Variants in THRB observed in about 807,000 individuals in gnomAD.
The protein encoded by THRB is thyroid hormone receptor beta.
Under a neutral mutation model 47.8 loss-of-function variants are expected in THRB, and 12 were observed. That is an observed-to-expected ratio of 0.25 (90% CI 0.16 to 0.41). The LOEUF is 0.41. Among genes scored for constraint, THRB ranks in the 10% least tolerant of loss-of-function variants. THRB has a pLI of 1.00. For synonymous variants in THRB, 218 were observed against 212.2 expected (o/e 1.03, Z -0.24); for missense variants, 348 against 589.2 (o/e 0.59, Z 4.24).
At position 24,300,379 on chromosome 3, in the gene THRB, T is replaced by C. The variant is rs376102116; in HGVS notation, c.-188-3008A>G. On this transcript the variant is annotated intron_variant, in intron 2 of 10. Coordinates refer to ENST00000646209, the MANE Select transcript of THRB (RefSeq NM_001354712.2). ...CATCCATGTAGTTCTCGAATCTCTA[T>C]GCATACAGTATATAATATCCATGAT... 1.5e-4 allele frequency among the ~76,000 whole-genome samples: 23 copies of C among 152,324 alleles called. 1 individual carries two copies. In the East Asian group the frequency reaches 3.7e-3, roughly 24 times the overall value.
chr3:24,395,033 G>A (rs1292641308), intron 1 of THRB, among the ~76,000 whole-genome samples: 1 of 152,026 alleles, frequency 6.6e-6, no homozygotes, highest in Non-Finnish European at 1.5e-5. Context: ...CATTGATGAG[G>A]AGGCTATTTT....
At chr3:24,470,094 A>G (rs1235813019) in intron 1 of THRB, among the ~76,000 whole-genome samples, 1 of 152,156 alleles carries the variant, frequency 6.6e-6, no homozygotes, top group African/African-American at 2.4e-5. Context: ...CCCATCACTG[A>G]TAGGTTTTGT....
chr3:24,409,953 G>C lies in THRB; in HGVS notation c.-260-72582C>G, dbSNP rs190724523. ...TCAGATTATTTCAATGTGTTAAGCA[G>C]ACCTTTGATGAGGTGAGGTAAATGC... is the stretch of plus-strand genomic sequence containing the variant. On this transcript the variant is annotated intron_variant, in intron 1 of 10. Transcript: ENST00000646209. 1.8e-4 allele frequency among the ~76,000 whole-genome samples: 28 copies of C among 151,980 alleles called. 1 individual carries two copies. In the Middle Eastern group the frequency reaches 0.017, roughly 92 times the overall value.
At chr3:24,336,767 G>A (rs1424071671) in intron 2 of THRB, among the ~76,000 whole-genome samples, 1 of 149,736 alleles carries the variant, frequency 6.7e-6, no homozygotes, top group Non-Finnish European at 1.5e-5. Flanking sequence ...TGTCGCCCAG[G>A]CTGGAGTGCA....
chr3:24,433,713 T>A (rs1258688564), intron 1 of THRB, among the ~76,000 whole-genome samples: 3 of 152,116 alleles, frequency 2.0e-5, no homozygotes, highest in Non-Finnish European at 2.9e-5. Flanking sequence ...CAGTAAAAAG[T>A]TCTTGGCTTC....
intron 1 of THRB, among the ~76,000 whole-genome samples, chr3:24,381,941 A>G (rs2065745020): frequency 6.6e-6 from 1 of 152,146 alleles, no homozygotes; most frequent in African/African-American, 2.4e-5. Flanking sequence ...AAAATAAATG[A>G]CATAGCAACT....
At chr3:24,263,728 A>G (rs1045174022) in intron 3 of THRB, among the ~76,000 whole-genome samples, 4 of 152,044 alleles carry the variant, frequency 2.6e-5, no homozygotes, top group Non-Finnish European at 5.9e-5. Context: ...ATATAGACAT[A>G]GATAATTATA....
At chr3:24,133,520 CAT>C in intron 8 of THRB, 58 bp from the exon 9 acceptor site, 1 of 1,516,246 alleles carries the variant, frequency 6.6e-7, no homozygotes, top group Non-Finnish European at 9.2e-7. Context: ...CTTTATTTAT[CAT>C]AGTTCTTATG....
chr3:24,283,977 A>C (rs1034548246), intron 3 of THRB, among the ~76,000 whole-genome samples: 26 of 131,530 alleles, frequency 2.0e-4, no homozygotes, highest in African/African-American at 7.1e-4. Context: ...GGTAGGAAGA[A>C]TCAATATCAT....
chr3:24,455,020 G>C (rs140619061), intron 1 of THRB: 1 of 150,890 alleles, frequency 6.6e-6, no homozygotes, highest in African/African-American at 2.4e-5. Context: ...AGTCTACACA[G>C]AGATTGCTTT....
chr3:24,206,242 T>C (rs1000303378), intron 4 of THRB, among the ~76,000 whole-genome samples: 1 of 152,276 alleles, frequency 6.6e-6, no homozygotes, highest in African/African-American at 2.4e-5. Context: ...ATTGACCACA[T>C]AGTTGGAAGT....
chr3:24,401,816 T>G (rs1296223963), intron 1 of THRB, among the ~76,000 whole-genome samples: 2 of 151,938 alleles, frequency 1.3e-5, no homozygotes, highest in African/African-American at 2.4e-5. Flanking sequence ...ACCTACAGAA[T>G]AAGACGCTCT....
intron 1 of THRB, among the ~76,000 whole-genome samples, chr3:24,408,096 A>C (rs2067979080): frequency 6.6e-6 from 1 of 151,852 alleles, no homozygotes. Context: ...TGAACAACTG[A>C]ATTTGCTAAT....
chr3:24,362,294 C>T (rs2149660694), intron 1 of THRB, among the ~76,000 whole-genome samples: 1 of 152,244 alleles, frequency 6.6e-6, no homozygotes, highest in South Asian at 2.1e-4. Flanking sequence ...CCACCTCCTA[C>T]TCCTCTTCCC....
chr3:24,260,970 G>T (rs2051902635), intron 3 of THRB, among the ~76,000 whole-genome samples: 1 of 152,172 alleles, frequency 6.6e-6, no homozygotes, highest in African/African-American at 2.4e-5. Flanking sequence ...CAGTAGGCCT[G>T]GGAAGGGCCT....
chr3:24,193,161 G>C (rs916059715), intron 4 of THRB, among the ~76,000 whole-genome samples: 1 of 152,186 alleles, frequency 6.6e-6, no homozygotes, highest in Admixed American at 6.5e-5. Context: ...ATGGTCTTCA[G>C]TAATTTCCTA....
intron 1 of THRB, among the ~76,000 whole-genome samples, chr3:24,472,331 G>C (rs1694824325): frequency 2.0e-5 from 3 of 152,078 alleles, no homozygotes; most frequent in Admixed American, 1.3e-4. Context: ...AATTACTGAT[G>C]GACAAAACAA....
intron 3 of THRB, among the ~76,000 whole-genome samples, chr3:24,233,656 T>C (rs2048563448): frequency 6.7e-6 from 1 of 149,144 alleles, no homozygotes; most frequent in Admixed American, 6.7e-5. Context: ...ACATGTGGGC[T>C]GCTACATTTT....
chr3:24,315,763 A>C (rs1029990266), intron 2 of THRB, among the ~76,000 whole-genome samples: 9 of 152,226 alleles, frequency 5.9e-5, no homozygotes, highest in East Asian at 3.9e-4. Context: ...ATATACTTAC[A>C]CCAGCCTGAT....
Sources: gnomAD v4.1 joint callset for allele counts (sites outside exome capture counted in the v4.1 genomes callset) on GRCh38, gnomAD v4.1.1 for gene constraint, MANE v1.5 for transcripts, NCBI Gene and HGNC (gene_info 2026-07-23, HGNC 2026-07-21) for gene names.